The following PRKAR2A variants were observed in gnomAD, a reference collection of about 807,000 sequenced individuals.
The protein encoded by PRKAR2A is cAMP-dependent protein kinase type II-alpha regulatory subunit.
In PRKAR2A, 29 loss-of-function variants were observed where a neutral mutation model predicts 51.9. The ratio of observed to expected loss-of-function variants is 0.56; its 90% CI spans 0.42 to 0.76. PRKAR2A has a LOEUF of 0.76. PRKAR2A is among the 30% of genes least tolerant of loss of function. The pLI, the probability that PRKAR2A is intolerant of heterozygous loss-of-function variation, is 0.00. For synonymous variants in PRKAR2A, 178 were observed against 186.2 expected, an observed-to-expected ratio of 0.96 and a Z score of 0.36; for missense variants, 445 against 512.1, an observed-to-expected ratio of 0.87 and a Z score of 1.26.
chr3:48,845,769 AGACCCC>A (rs534111423), intron 1 of PRKAR2A, among the ~76,000 whole-genome samples: 31 of 152,212 alleles, frequency 2.0e-4, no homozygotes, highest in African/African-American at 5.8e-4. Context: ...CAACACAGGG[AGACCCC>A]GTCTCTATAA....
At chr3:48,788,516 A>T (rs1456768752) in intron 4 of PRKAR2A, among the ~76,000 whole-genome samples, 5 of 152,160 alleles carry the variant, frequency 3.3e-5, no homozygotes, top group African/African-American at 1.2e-4. Flanking sequence ...GAAACAGTAG[A>T]GAAGAATAGA....
rs1300300591 is a variant in PRKAR2A at position 48,751,066 on chromosome 3, A to G, written c.*519T>C. The G allele has an allele frequency of 2.9e-6, 1 of 348,568 alleles. No homozygotes were observed. The highest frequency in any genetic ancestry group is 2.1e-5 in the African/African-American group (1 of 46,650). 21.6% of individuals were successfully genotyped at this position (348,568 alleles called of 1,614,324 possible). Reference sequence around the variant, plus strand: ...GCTACATATGTCCATATCATCCACCACCATTTCCCACTGTAAAACCAAAGG... The same window carrying G: ...GCTACATATGTCCATATCATCCACCGCCATTTCCCACTGTAAAACCAAAGG... On this transcript the variant is annotated 3_prime_UTR_variant, in exon 11 of 11. Coordinates refer to ENST00000265563, the MANE Select transcript of PRKAR2A (RefSeq NM_004157.4).
intron 1 of PRKAR2A, among the ~76,000 whole-genome samples, chr3:48,821,773 G>A (rs900975636): frequency 8.6e-5 from 13 of 151,216 alleles, no homozygotes; most frequent in South Asian, 4.2e-4. Context: ...AAAACTAGCC[G>A]GGCATGGTGG....
chr3:48,778,786 G>C (rs1458698318), intron 5 of PRKAR2A, among the ~76,000 whole-genome samples: 1 of 150,772 alleles, frequency 6.6e-6, no homozygotes, highest in African/African-American at 2.4e-5. Flanking sequence ...CCAAAGCGCT[G>C]GGATTACAGG....
intron 8 of PRKAR2A, among the ~76,000 whole-genome samples, chr3:48,757,089 G>A (rs2081783062): frequency 6.6e-6 from 1 of 152,160 alleles, no homozygotes; most frequent in Non-Finnish European, 1.5e-5. Flanking sequence ...CATGATAGGA[G>A]CTGACAAAGG....
At chr3:48,765,415 C>T in intron 6 of PRKAR2A, 66 bp from the exon 7 acceptor site, 1 of 1,088,112 alleles carries the variant, frequency 9.2e-7, no homozygotes, top group Non-Finnish European at 1.3e-6. Flanking sequence ...GTTTAATTAA[C>T]TGGCCAAAGC....
intron 1 of PRKAR2A, among the ~76,000 whole-genome samples, chr3:48,808,829 G>T: frequency 3.7e-5 from 3 of 80,070 alleles, no homozygotes; most frequent in African/African-American, 5.4e-5. Context: ...TATTTTTTTA[G>T]AGATGGAGTT....
rs980989363 is a variant in PRKAR2A at position 48,748,301 on chromosome 3, T to C, written c.*3284A>G. 2 of 151,034 alleles carry C rather than the reference T, an allele frequency of 1.3e-5. No homozygotes were observed. Among genetic ancestry groups the C allele is most frequent in the Non-Finnish European group, 3.0e-5 (2 of 67,722 alleles). The allele number at this position is 151,034 out of a possible 1,614,324, so 9.4% of individuals were successfully genotyped here. A position where few individuals can be genotyped will look rare whatever the true frequency, so the allele number is the denominator to read the frequency against. ...TAATTGTTTTTTTAACTTTTTTTTT[T>C]TTTTTTTTTCTTGGTAGAGACAGGG... On this transcript the variant is annotated 3_prime_UTR_variant, in exon 11 of 11. Coordinates refer to ENST00000265563, the MANE Select transcript of PRKAR2A (RefSeq NM_004157.4).
In PRKAR2A at chr3:48,842,609, C is replaced by T. The variant is rs566380084; in HGVS notation, c.262+4726G>A. Reference sequence around the variant, plus strand: ...TCCCATCAATACCTAATTTATTGAGCGTTTTTAGAATGAAGGGTTGTTGAA... The same window carrying T: ...TCCCATCAATACCTAATTTATTGAGTGTTTTTAGAATGAAGGGTTGTTGAA... On this transcript the variant is annotated intron_variant, in intron 1 of 10. Transcript: ENST00000265563. Among the ~76,000 whole-genome samples, 16 of 152,156 alleles carry T rather than the reference C, an allele frequency of 1.1e-4. 1 individual carries two copies. The Middle Eastern group carries it at 0.01, about 97-fold the overall frequency.
At chr3:48,774,374 T>C (rs1009767429) in intron 5 of PRKAR2A, among the ~76,000 whole-genome samples, 1 of 152,042 alleles carries the variant, frequency 6.6e-6, no homozygotes, top group Non-Finnish European at 1.5e-5. Flanking sequence ...CTATAAAACA[T>C]TAGAACTTGC....
chr3:48,783,607 G>A (rs2082239486), intron 4 of PRKAR2A, among the ~76,000 whole-genome samples: 1 of 152,044 alleles, frequency 6.6e-6, no homozygotes, highest in African/African-American at 2.4e-5. Context: ...TGGAGACGGA[G>A]TCTCACTCTG....
At chr3:48,838,373 G>A (rs1180294218) in intron 1 of PRKAR2A, among the ~76,000 whole-genome samples, 2 of 152,158 alleles carry the variant, frequency 1.3e-5, no homozygotes, top group African/African-American at 2.4e-5. Flanking sequence ...TTGGGAGGCC[G>A]TGGTGGACAG....
intron 1 of PRKAR2A, among the ~76,000 whole-genome samples, chr3:48,821,477 A>G (rs994423671): frequency 2.0e-5 from 3 of 152,100 alleles, no homozygotes; most frequent in African/African-American, 7.2e-5. Flanking sequence ...GTTTTTAGAG[A>G]TATGAGTTCT....
chr3:48,823,786 CAAAAAAA>C (rs911139872), intron 1 of PRKAR2A, among the ~76,000 whole-genome samples: 1 of 63,920 alleles, frequency 1.6e-5, no homozygotes, highest in South Asian at 4.8e-4. Flanking sequence ...ACCCCGTCTC[CAAAAAAA>C]AAAAAAAAAG....
intron 6 of PRKAR2A, among the ~76,000 whole-genome samples, chr3:48,771,479 T>G (rs896169917): frequency 3.3e-5 from 5 of 152,228 alleles, no homozygotes; most frequent in Admixed American, 3.3e-4. Context: ...AAAAACAATG[T>G]TATTTAATTT....
chr3:48,835,382 T>C (rs1466871017), intron 1 of PRKAR2A, among the ~76,000 whole-genome samples: 1 of 151,840 alleles, frequency 6.6e-6, no homozygotes, highest in Admixed American at 6.6e-5. Flanking sequence ...TGGCTCACGC[T>C]TCTAATCCCA....
At chr3:48,841,033 C>G (rs1299299529) in intron 1 of PRKAR2A, among the ~76,000 whole-genome samples, 1 of 150,970 alleles carries the variant, frequency 6.6e-6, no homozygotes, top group African/African-American at 2.4e-5. Flanking sequence ...AGGCGCACAC[C>G]ACCACACCCA....
rs2081642526 is a variant in PRKAR2A at position 48,751,244 on chromosome 3, AAG to A, written c.*339_*340del. 1 of 478,706 alleles carries A rather than the reference AAG, an allele frequency of 2.1e-6. No homozygotes were observed. The highest frequency in any genetic ancestry group is 2.0e-5 in the African/African-American group (1 of 50,984). 29.7% of individuals were successfully genotyped at this position (478,706 alleles called of 1,614,324 possible). A position where few individuals can be genotyped will look rare whatever the true frequency, so the allele number is the denominator to read the frequency against. On this transcript the variant is annotated 3_prime_UTR_variant, in exon 11 of 11. Transcript: ENST00000265563. ...AACTTCCAAAAGCAAGAGTAGCAGC[AAG>A]AGAGGAAAGGAGCATGTTTATACTT...
intron 8 of PRKAR2A, among the ~76,000 whole-genome samples, chr3:48,762,868 G>T (rs1370494886): frequency 6.6e-6 from 1 of 152,146 alleles, no homozygotes; most frequent in Non-Finnish European, 1.5e-5. Context: ...ATTATGCTAA[G>T]AGAAAGAAGC....
Sources: allele counts gnomAD v4.1 joint callset (sites outside exome capture counted in the v4.1 genomes callset), GRCh38; gene constraint gnomAD v4.1.1; transcripts MANE v1.5; gene names NCBI Gene and HGNC (gene_info 2026-07-23, HGNC 2026-07-21).